LYST: variants seen among roughly 807,000 people sequenced by gnomAD.
LYST encodes the protein lysosomal trafficking regulator, also known as lysosomal-trafficking regulator.
A neutral mutation model predicts 413.6 loss-of-function variants in LYST; 192 were observed. The ratio of observed to expected loss-of-function variants is 0.46; its 90% CI spans 0.41 to 0.52. LYST has a LOEUF of 0.52. Among genes scored for constraint, LYST ranks in the 20% least tolerant of loss-of-function variants. LYST has a pLI of 0.00. For synonymous variants in LYST, 1,525 were observed against 1,567.3 expected (o/e 0.97, Z 0.64); for missense variants, 3,815 against 4,499.9 (o/e 0.85, Z 4.35).
intron 1 of LYST, chr1:235,839,692 G>A (rs1676991286): frequency 6.6e-6 from 1 of 150,642 alleles, no homozygotes; most frequent in African/African-American, 2.5e-5. Flanking sequence ...TATAGTCCCA[G>A]TAACTCAGGA....
intron 22 of LYST, among the ~76,000 whole-genome samples, chr1:235,761,037 T>C (rs932764283): frequency 6.6e-6 from 1 of 152,174 alleles, no homozygotes; most frequent in Non-Finnish European, 1.5e-5. Flanking sequence ...GTGGCTCACT[T>C]GAGCCCAAGA....
At chr1:235,804,457 T>A in intron 7 of LYST, 47 bp downstream of exon 7, 1 of 1,484,104 alleles carries the variant, frequency 6.7e-7, no homozygotes, top group Non-Finnish European at 9.4e-7. Flanking sequence ...CACTTCCGCC[T>A]CTGCTGGTCA....
At chr1:235,677,359 G>C (rs1235161860) in intron 49 of LYST, 121 bp downstream of exon 49, 3 of 1,189,320 alleles carry the variant, frequency 2.5e-6, no homozygotes, top group Non-Finnish European at 3.7e-6. Context: ...CTACCTTTAA[G>C]CATGTGTTTC....
At chr1:235,869,981 C>T (rs1409102861), upstream of LYST, among the ~76,000 whole-genome samples, 1 of 152,110 alleles carries the variant, frequency 6.6e-6, no homozygotes, top group African/African-American at 2.4e-5. Flanking sequence ...ACTCCTTTAT[C>T]TCCTCCACGT....
chr1:235,853,615 A>G (rs1678814447), intron 1 of LYST, among the ~76,000 whole-genome samples: 1 of 152,138 alleles, frequency 6.6e-6, no homozygotes, highest in Admixed American at 6.5e-5. Flanking sequence ...GTGTCAATAA[A>G]CAACATTGCC....
At chr1:235,670,999 T>C (rs187333633) in intron 50 of LYST, among the ~76,000 whole-genome samples, 3 of 152,312 alleles carry the variant, frequency 2.0e-5, no homozygotes, top group African/African-American at 7.2e-5. Context: ...GGAAAGATAA[T>C]GAAAAGACAG....
intron 3 of LYST, among the ~76,000 whole-genome samples, chr1:235,824,953 G>A (rs1301938858): frequency 6.6e-6 from 1 of 152,114 alleles, no homozygotes; most frequent in Non-Finnish European, 1.5e-5. Context: ...CTGGATGGCA[G>A]AGGTTGCAGT....
intron 22 of LYST, among the ~76,000 whole-genome samples, chr1:235,762,060 A>G (rs1383920425): frequency 1.3e-5 from 2 of 151,928 alleles, no homozygotes; most frequent in Admixed American, 6.6e-5. Flanking sequence ...CCAACATGGC[A>G]TATGTATACA....
chr1:235,764,495 CTTTTTT>C (rs1020736833), intron 21 of LYST, among the ~76,000 whole-genome samples: 20 of 97,946 alleles, frequency 2.0e-4, no homozygotes, highest in African/African-American at 9.0e-4. Flanking sequence ...TTTTTCTTTT[CTTTTTT>C]TTTTTTTTTT....
chr1:235,834,762 G>A (rs537112390), intron 1 of LYST, among the ~76,000 whole-genome samples: 1 of 152,204 alleles, frequency 6.6e-6, no homozygotes, highest in African/African-American at 2.4e-5. Context: ...AGCTATCAAA[G>A]CACAGGGTAT....
At chr1:235,729,918 G>A (rs1664215516) in intron 36 of LYST, among the ~76,000 whole-genome samples, 2 of 152,038 alleles carry the variant, frequency 1.3e-5, no homozygotes, top group South Asian at 2.1e-4. Flanking sequence ...TTATTTAAAA[G>A]AGATATCAAT....
At chr1:235,754,880 C>G (rs1210654190) in intron 25 of LYST, among the ~76,000 whole-genome samples, 1 of 151,036 alleles carries the variant, frequency 6.6e-6, no homozygotes, top group Non-Finnish European at 1.5e-5. Flanking sequence ...TTGAGACCAG[C>G]CTGGGAAACA....
intron 1 of LYST, among the ~76,000 whole-genome samples, chr1:235,857,784 C>CAT (rs71583794): frequency 0.031 from 3,752 of 121,882 alleles, 82 homozygotes; most frequent in Non-Finnish European, 0.041. Context: ...CACACACACA[C>CAT]ATATATATAT....
chr1:235,757,168 C>A, intron 24 of LYST, 113 bp downstream of exon 24: 2 of 695,402 alleles, frequency 2.9e-6, no homozygotes, highest in Non-Finnish European at 4.7e-6. Context: ...GTTCATTATT[C>A]TAAAATATAA....
At chr1:235,680,319 G>C (rs531153896) in intron 48 of LYST, among the ~76,000 whole-genome samples, 2 of 152,218 alleles carry the variant, frequency 1.3e-5, no homozygotes, top group East Asian at 3.9e-4. Context: ...GTAGTGGTGT[G>C]ATTATAGCTC....
chr1:235,881,568 G>C (rs558911687), intron 1 of LYST, among the ~76,000 whole-genome samples: 1 of 152,118 alleles, frequency 6.6e-6, no homozygotes, highest in Non-Finnish European at 1.5e-5. Flanking sequence ...GGGAAGCAAT[G>C]CAAGTGTCCA....
At chr1:235,683,409 A>G (rs1380417919) in intron 48 of LYST, among the ~76,000 whole-genome samples, 2 of 152,220 alleles carry the variant, frequency 1.3e-5, no homozygotes, top group African/African-American at 4.8e-5. Context: ...TGACAGAATA[A>G]CCCGACAGCA....
At chr1:235,792,473 C>T (rs938875082) in intron 11 of LYST, among the ~76,000 whole-genome samples, 2 of 151,750 alleles carry the variant, frequency 1.3e-5, no homozygotes, top group African/African-American at 4.8e-5. Context: ...CACCACCACC[C>T]CCAGCTAATT....
intron 3 of LYST, among the ~76,000 whole-genome samples, chr1:235,823,773 T>G (rs913212098): frequency 1.3e-5 from 2 of 152,238 alleles, no homozygotes; most frequent in Non-Finnish European, 2.9e-5. Context: ...CGCCAATTCC[T>G]ACTTAGGGAT....
Sources: allele counts gnomAD v4.1 joint callset (sites outside exome capture counted in the v4.1 genomes callset), GRCh38; gene constraint gnomAD v4.1.1; transcripts MANE v1.5; gene names NCBI Gene and HGNC (gene_info 2026-07-23, HGNC 2026-07-21).